Variants in UACA observed in about 807,000 individuals in gnomAD.
UACA encodes nuclear membrane binding protein.
In UACA, 112 loss-of-function variants were observed where a neutral mutation model predicts 160.5. The ratio of observed to expected loss-of-function variants is 0.70; its 90% CI spans 0.60 to 0.82. The LOEUF (loss-of-function observed/expected upper bound fraction) is 0.82. Among genes scored for constraint, UACA ranks in the 40% least tolerant of loss-of-function variants. The pLI, the probability that UACA is intolerant of heterozygous loss-of-function variation, is 0.00. For missense variants in UACA, 1,574 were observed against 1,614.6 expected (o/e 0.97, Z 0.43); for synonymous variants, 557 against 568.4 (o/e 0.98, Z 0.29).
At chr15:70,753,750 T>G (rs1468944475) in intron 1 of UACA, among the ~76,000 whole-genome samples, 1 of 152,270 alleles carries the variant, frequency 6.6e-6, no homozygotes, top group Admixed American at 6.5e-5. Context: ...TAGCATTTAC[T>G]GAGTACTTCT....
At chr15:70,719,920 CCCTTA>C (rs1219382305) in intron 1 of UACA, among the ~76,000 whole-genome samples, 4 of 152,104 alleles carry the variant, frequency 2.6e-5, no homozygotes, top group African/African-American at 7.2e-5. Flanking sequence ...CCTTTCTTCC[CCCTTA>C]TTTATTTATA....
At chr15:70,714,762 T>C (rs999357146) in intron 1 of UACA, among the ~76,000 whole-genome samples, 1 of 152,222 alleles carries the variant, frequency 6.6e-6, no homozygotes, top group Non-Finnish European at 1.5e-5. Flanking sequence ...TTCTAGTCTG[T>C]TGTACAAATA....
intron 1 of UACA, among the ~76,000 whole-genome samples, chr15:70,739,377 A>T (rs1282844200): frequency 2.0e-5 from 3 of 152,182 alleles, no homozygotes; most frequent in Non-Finnish European, 4.4e-5. Flanking sequence ...CCTCAAGCTT[A>T]ACAACCAAAA....
intron 1 of UACA, chr15:70,753,952 C>T: frequency 2.8e-6 from 1 of 359,804 alleles, no homozygotes; most frequent in Non-Finnish European, 5.5e-6. Context: ...ACTACAGGTG[C>T]CCACCACCAT....
At chr15:70,771,906 A>G in the UACA span, among the ~76,000 whole-genome samples, 1 of 152,128 alleles carries the variant, frequency 6.6e-6, no homozygotes, top group African/African-American at 2.4e-5. Context: ...ATAGTGGGAG[A>G]AGAATATGGG....
chr15:70,678,540 A>C (rs1897368244), intron 10 of UACA, among the ~76,000 whole-genome samples: 1 of 152,174 alleles, frequency 6.6e-6, no homozygotes, highest in African/African-American at 2.4e-5. Context: ...AAGACCTCCC[A>C]AATTTATGAG....
intron 2 of UACA, among the ~76,000 whole-genome samples, chr15:70,698,038 C>T (rs924959829): frequency 1.1e-4 from 16 of 151,840 alleles, no homozygotes; most frequent in African/African-American, 3.6e-4. Flanking sequence ...GCAACAAGAG[C>T]GAAACTCTGT....
chr15:70,727,240 T>C (rs1274740601), intron 1 of UACA, among the ~76,000 whole-genome samples: 1 of 152,186 alleles, frequency 6.6e-6, no homozygotes, highest in African/African-American at 2.4e-5. Context: ...CCATTCCTCT[T>C]CCCTGGCATA....
chr15:70,776,171 T>C, the UACA span, among the ~76,000 whole-genome samples: 1 of 152,200 alleles, frequency 6.6e-6, no homozygotes, highest in African/African-American at 2.4e-5. Context: ...ATTGAGATTC[T>C]AGATAAATAT....
upstream of UACA, among the ~76,000 whole-genome samples, chr15:70,767,168 A>G (rs1206049289): frequency 2.9e-5 from 4 of 140,122 alleles, 1 homozygote; most frequent in Admixed American, 3.0e-4. Context: ...TGAACCTGGG[A>G]GGTGGAGCTT....
chr15:70,715,109 T>C (rs1014265090), intron 1 of UACA, among the ~76,000 whole-genome samples: 1 of 152,222 alleles, frequency 6.6e-6, no homozygotes, highest in Non-Finnish European at 1.5e-5. Flanking sequence ...TTGGTATTTT[T>C]TGAAAAGTGT....
chr15:70,762,947 G>A (rs937702600), intron 1 of UACA, among the ~76,000 whole-genome samples: 20 of 152,190 alleles, frequency 1.3e-4, no homozygotes, highest in African/African-American at 4.8e-4. Context: ...CGGCCGAGCG[G>A]GCGTGGGCAG....
At chr15:70,689,058 A>T (rs1005572852) in intron 5 of UACA, among the ~76,000 whole-genome samples, 2 of 152,148 alleles carry the variant, frequency 1.3e-5, no homozygotes, top group Non-Finnish European at 2.9e-5. Context: ...AATGGAGAAT[A>T]ATCTACTACT....
chr15:70,676,694 G>A, intron 12 of UACA, 103 bp from the exon 13 acceptor site: 1 of 873,788 alleles, frequency 1.1e-6, no homozygotes, highest in East Asian at 2.6e-5. Context: ...GAGGACTGGA[G>A]TTAATGAATT....
the UACA span, among the ~76,000 whole-genome samples, chr15:70,771,970 C>G: frequency 6.6e-6 from 1 of 151,996 alleles, no homozygotes; most frequent in Admixed American, 6.6e-5. Context: ...GCCTAGTGGA[C>G]CAAAGAAGGA....
intron 3 of UACA, among the ~76,000 whole-genome samples, chr15:70,693,543 A>G (rs1182424423): frequency 6.6e-6 from 1 of 152,182 alleles, no homozygotes; most frequent in Non-Finnish European, 1.5e-5. Flanking sequence ...TCTAGGGACA[A>G]ACATTATAAA....
chr15:70,763,614 G>T (rs1400874958), upstream of UACA: 1 of 1,093,698 alleles, frequency 9.1e-7, no homozygotes, highest in Non-Finnish European at 1.2e-6. Context: ...CCTGGCGGGG[G>T]CGTGGCAAAC....
intron 13 of UACA, among the ~76,000 whole-genome samples, chr15:70,674,846 C>T (rs1431149794): frequency 6.6e-6 from 1 of 152,214 alleles, no homozygotes; most frequent in Admixed American, 6.5e-5. Context: ...GATCCACCCA[C>T]CTTGGCCTCC....
the UACA span, among the ~76,000 whole-genome samples, chr15:70,768,776 C>A: frequency 1.3e-5 from 2 of 152,136 alleles, no homozygotes; most frequent in Non-Finnish European, 2.9e-5. Context: ...AACTTCAGCA[C>A]TGTCAAATAA....
Sources: gnomAD v4.1 joint callset for allele counts (sites outside exome capture counted in the v4.1 genomes callset) on GRCh38, gnomAD v4.1.1 for gene constraint, MANE v1.5 for transcripts, NCBI Gene and HGNC (gene_info 2026-07-23, HGNC 2026-07-21) for gene names.